Variants in BCL7A observed in about 807,000 individuals in gnomAD.
BCL7A encodes the protein BAF chromatin remodeling complex subunit BCL7A.
In BCL7A, 11 loss-of-function variants were observed where a neutral mutation model predicts 28.4. The ratio of observed to expected loss-of-function variants is 0.39; its 90% CI spans 0.24 to 0.64. The LOEUF is 0.64. BCL7A is among the 30% of genes least tolerant of loss of function. The probability of loss-of-function intolerance (pLI) is 0.50; values close to 1 mark genes in which losing one functional copy is unlikely to be tolerated. For missense variants in BCL7A, 222 were observed against 274.8 expected (o/e 0.81, Z 1.36); for synonymous variants, 123 against 103.3 (o/e 1.19, Z -1.15).
intron 3 of BCL7A, among the ~76,000 whole-genome samples, chr12:122,040,668 G>A (rs1426772567): frequency 2.6e-5 from 4 of 151,950 alleles, no homozygotes; most frequent in Admixed American, 6.6e-5. Flanking sequence ...TTTAGTGCAC[G>A]TGCAGCCGAA....
At chr12:122,057,061 A>G (rs2135862239) in intron 5 of BCL7A, among the ~76,000 whole-genome samples, 1 of 152,366 alleles carries the variant, frequency 6.6e-6, no homozygotes, top group Non-Finnish European at 1.5e-5. Context: ...CAAGTAGGTC[A>G]CAGAGTCCCA....
rs1883565130 is a variant in BCL7A, at chr12:122,024,408, G to C, written c.92+2225G>C. ...TGGGCGCAGGAGGAGCTGTTGCTCA[G>C]TGTTGTCTGTGTTGTAAGGTGGACT... is the stretch of plus-strand genomic sequence containing the variant. On this transcript the variant is annotated intron_variant, in intron 1 of 5. Transcript: ENST00000261822. 2.6e-5 allele frequency among the ~76,000 whole-genome samples: 4 copies of C among 151,554 alleles called. No homozygotes were observed. The South Asian group carries it at 8.3e-4, about 32-fold the overall frequency.
At chr12:122,042,767 G>A (rs768381238) in intron 3 of BCL7A, among the ~76,000 whole-genome samples, 41 of 151,932 alleles carry the variant, frequency 2.7e-4, no homozygotes, top group Non-Finnish European at 3.4e-4. Context: ...GCACCTAAAC[G>A]TCATAGCATG....
intron 1 of BCL7A, among the ~76,000 whole-genome samples, chr12:122,024,462 G>C (rs1479735): frequency 1.1e-5 from 1 of 88,728 alleles, no homozygotes; most frequent in South Asian, 3.5e-4. Flanking sequence ...GAGGTTTTTT[G>C]TTTTTTTTTT....
At position 122,061,342 on chromosome 12, in the gene BCL7A, G is replaced by A. The variant is rs983756136; in HGVS notation, c.*2179G>A. On this transcript the variant is annotated 3_prime_UTR_variant, in exon 6 of 6. Transcript: ENST00000261822. ...GGTGAGGACTCAGACGACGTCCACCGTCCCAAGGCTGTCACTAGTATTTCT... is the reference window on the plus strand; with the variant it reads ...GGTGAGGACTCAGACGACGTCCACCATCCCAAGGCTGTCACTAGTATTTCT... 3 of 231,074 alleles carry A rather than the reference G, an allele frequency of 1.3e-5. No homozygotes were observed. The highest frequency in any genetic ancestry group is 1.8e-4 in the South Asian group (1 of 5,500). The allele number at this position is 231,074 out of a possible 1,614,324, so 14.3% of individuals were successfully genotyped here.
In BCL7A at chr12:122,061,505, A is replaced by G; in HGVS notation, c.*2342A>G. 1 of 232,592 alleles carries G rather than the reference A, an allele frequency of 4.3e-6. No individual in the cohort carries two copies. Among genetic ancestry groups the G allele is most frequent in the South Asian group, 1.8e-4 (1 of 5,524 alleles). The allele number at this position is 232,592 out of a possible 1,614,324, so 14.4% of individuals were successfully genotyped here. ...TTCCACGCAGAATGACAAGACTGCA[A>G]AAATCCGATGTGCTTCCTTCCCTGG... On this transcript the variant is annotated 3_prime_UTR_variant, in exon 6 of 6. Transcript: ENST00000261822.
intron 3 of BCL7A, among the ~76,000 whole-genome samples, chr12:122,042,796 G>A (rs1379253892): frequency 6.6e-6 from 1 of 152,020 alleles, no homozygotes; most frequent in Non-Finnish European, 1.5e-5. Flanking sequence ...AAAATATGAC[G>A]TTTCTACATA....
Position 122,029,274 on chromosome 12 carries a change from G to T in BCL7A, c.93-1426G>T, listed in dbSNP as rs1210087208. Among the ~76,000 whole-genome samples the T allele has an allele frequency of 1.3e-5, 2 of 152,280 alleles. No individual in the cohort carries two copies. The highest frequency in any genetic ancestry group is 4.8e-5 in the African/African-American group (2 of 41,582). On this transcript the variant is annotated intron_variant, in intron 1 of 5. Transcript: ENST00000261822. The surrounding 1 kb of genome is among the most constrained non-coding windows in gnomAD (Gnocchi z 4.3). Reference sequence around the variant, plus strand: ...GCCGTAGCGTCCTCTGATGGAACACGTGGGACCCGAGCGGGCAGGGTTTTT... The same window carrying T: ...GCCGTAGCGTCCTCTGATGGAACACTTGGGACCCGAGCGGGCAGGGTTTTT...
At chr12:122,042,580 G>T (rs1006559907) in intron 3 of BCL7A, among the ~76,000 whole-genome samples, 1 of 151,496 alleles carries the variant, frequency 6.6e-6, no homozygotes, top group Non-Finnish European at 1.5e-5. Flanking sequence ...AACCCAGGAG[G>T]TGGAGGTTGC....
intron 2 of BCL7A, 52 bp downstream of exon 2, chr12:122,030,833 C>G: frequency 1.9e-6 from 3 of 1,554,530 alleles, no homozygotes; most frequent in Non-Finnish European, 2.7e-6. Flanking sequence ...CGTGCTCCTC[C>G]CACCATGGGG....
intron 3 of BCL7A, among the ~76,000 whole-genome samples, chr12:122,042,483 G>A (rs1013641338): frequency 1.6e-4 from 25 of 151,866 alleles, no homozygotes; most frequent in Admixed American, 6.6e-4. Context: ...GGAGAAACCC[G>A]TCTCTACTAA....
intron 2 of BCL7A, among the ~76,000 whole-genome samples, 157 bp from the exon 3 acceptor site, chr12:122,035,174 C>A (rs893909382): frequency 6.6e-6 from 1 of 152,158 alleles, no homozygotes; most frequent in Non-Finnish European, 1.5e-5. Context: ...CCTAATAGGA[C>A]GTGTTCAAAT....
At chr12:122,031,362 C>CCA (rs1883741179) in intron 2 of BCL7A, among the ~76,000 whole-genome samples, 1 of 152,106 alleles carries the variant, frequency 6.6e-6, no homozygotes, top group Admixed American at 6.6e-5. Flanking sequence ...GCGCCCCCCC[C>CCA]AGGGCTTGGC....
At chr12:122,054,523 G>GAGACTGC (rs926547707) in intron 4 of BCL7A, among the ~76,000 whole-genome samples, 4 of 152,224 alleles carry the variant, frequency 2.6e-5, no homozygotes, top group African/African-American at 7.2e-5. Flanking sequence ...ACGCAGCACA[G>GAGACTGC]AGACTGCAGC....
chr12:122,023,008 G>A (rs1593019601), intron 1 of BCL7A, among the ~76,000 whole-genome samples: 1 of 152,262 alleles, frequency 6.6e-6, no homozygotes, highest in East Asian at 1.9e-4. Context: ...GGAGGGAGCT[G>A]TTGTTTTTGT....
intron 4 of BCL7A, among the ~76,000 whole-genome samples, chr12:122,047,641 C>G (rs1030490137): frequency 6.6e-6 from 1 of 152,030 alleles, no homozygotes; most frequent in Admixed American, 6.6e-5. Flanking sequence ...CCTCCTGCCT[C>G]AGTCTCCCAA....
At chr12:122,032,599 G>A (rs1461232423) in intron 2 of BCL7A, among the ~76,000 whole-genome samples, 1 of 152,204 alleles carries the variant, frequency 6.6e-6, no homozygotes, top group East Asian at 1.9e-4. Context: ...TCAAGGGACC[G>A]TTTGATTTGG....
At chr12:122,042,677 T>A (rs573458601) in intron 3 of BCL7A, among the ~76,000 whole-genome samples, 1 of 151,086 alleles carries the variant, frequency 6.6e-6, no homozygotes, top group South Asian at 2.1e-4. Flanking sequence ...GTGTAAAAGT[T>A]CAGGGAGTCC....
chr12:122,031,343 C>T (rs910373117), intron 2 of BCL7A, among the ~76,000 whole-genome samples: 1 of 144,256 alleles, frequency 6.9e-6, no homozygotes, highest in Non-Finnish European at 1.5e-5. Context: ...GTTGTGTCTT[C>T]TGGGCCGAGC....
Sources: allele counts gnomAD v4.1 joint callset (sites outside exome capture counted in the v4.1 genomes callset), GRCh38; gene constraint gnomAD v4.1.1; non-coding constraint Gnocchi (gnomAD v3.1); transcripts MANE v1.5; gene names NCBI Gene and HGNC (gene_info 2026-07-23, HGNC 2026-07-21).